Variants in PKHD1 observed in about 807,000 individuals in gnomAD.
PKHD1 encodes PKHD1 ciliary IPT domain containing fibrocystin/polyductin.
In PKHD1, 291 loss-of-function variants were observed where a neutral mutation model predicts 412.0. The observed-to-expected ratio is 0.71, with a 90% CI of 0.64 to 0.78. The LOEUF (loss-of-function observed/expected upper bound fraction) is 0.78. Ranked by LOEUF, PKHD1 falls within the 30% of genes least tolerant of loss-of-function variation. PKHD1 has a pLI of 0.00. For synonymous variants in PKHD1, 1,777 were observed against 1,821.5 expected (o/e 0.98, Z 0.62); for missense variants, 4,825 against 4,950.7 (o/e 0.97, Z 0.76).
intron 63 of PKHD1, 63 bp from the exon 64 acceptor site, chr6:51,639,019 G>T: frequency 1.7e-6 from 2 of 1,192,776 alleles, no homozygotes; most frequent in Non-Finnish European, 2.5e-6. Flanking sequence ...ATGTCTTCAT[G>T]TCTTCTGCGA....
chr6:51,631,488 ATGT>A (rs1480960793), intron 65 of PKHD1, among the ~76,000 whole-genome samples: 1 of 152,124 alleles, frequency 6.6e-6, no homozygotes, highest in Non-Finnish European at 1.5e-5. Flanking sequence ...AGCCCAGCAA[ATGT>A]TGTAGTAGTG....
At chr6:52,083,742 C>T (rs1043212132) in intron 2 of PKHD1, among the ~76,000 whole-genome samples, 10 of 151,976 alleles carry the variant, frequency 6.6e-5, no homozygotes, top group Admixed American at 5.9e-4. Context: ...GGTGCAAAAG[C>T]AATTGCTGTT....
intron 35 of PKHD1, among the ~76,000 whole-genome samples, chr6:51,969,027 C>T (rs999786231): frequency 6.6e-6 from 1 of 152,122 alleles, no homozygotes; most frequent in Non-Finnish European, 1.5e-5. Flanking sequence ...TAGAATTATG[C>T]AGATATAATT....
chr6:51,907,299 C>CA (rs1465925428), intron 40 of PKHD1, among the ~76,000 whole-genome samples: 1 of 152,034 alleles, frequency 6.6e-6, no homozygotes, highest in Non-Finnish European at 1.5e-5. Flanking sequence ...TGGGACTATC[C>CA]AAAAAATTCT....
chr6:51,810,496 T>G (rs1229111168), intron 52 of PKHD1, among the ~76,000 whole-genome samples: 1 of 152,178 alleles, frequency 6.6e-6, no homozygotes, highest in Non-Finnish European at 1.5e-5. Context: ...ATCCCAAGTT[T>G]TCCAAGACTT....
In PKHD1 at chr6:52,079,987, A is replaced by G; in HGVS notation, c.303T>C (p.His101=). 1 of 1,606,220 alleles carries G rather than the reference A, an allele frequency of 6.2e-7. No individual in the cohort carries two copies. Among genetic ancestry groups the G allele is most frequent in the Non-Finnish European group, 8.5e-7 (1 of 1,172,838 alleles). The change falls in exon 5 of 67, where the codon CAT becomes CAC. Residue 101 remains histidine (H), a synonymous_variant. Coordinates refer to ENST00000371117, the MANE Select transcript of PKHD1 (RefSeq NM_138694.4). ...ATGCTTCCAGGAAGTACAGACCCTC[A>G]TGTGCTTCAGACAGCACAGATCTGA... ...CRTRSVLSEA[H]EGLYFLEAYF...
intron 60 of PKHD1, among the ~76,000 whole-genome samples, chr6:51,689,931 T>C (rs527599020): frequency 1.8e-4 from 27 of 152,278 alleles, no homozygotes; most frequent in Middle Eastern, 3.4e-3. Context: ...GAGCAATTTA[T>C]AGATTCAATG....
chr6:51,981,540 A>C (rs1239089321), intron 35 of PKHD1, among the ~76,000 whole-genome samples: 2 of 149,372 alleles, frequency 1.3e-5, no homozygotes, highest in Admixed American at 6.7e-5. Context: ...GCTGGTCTCC[A>C]GCTCCTAGCC....
chr6:51,784,012 T>A (rs764895139), intron 53 of PKHD1, among the ~76,000 whole-genome samples: 2 of 152,214 alleles, frequency 1.3e-5, no homozygotes, highest in Non-Finnish European at 2.9e-5. Flanking sequence ...CATTCACTTA[T>A]ATATACATTG....
In PKHD1 at chr6:51,864,950, C is replaced by T. The variant is rs1468360050; in HGVS notation, c.7733+2913G>A. On this transcript the variant is annotated intron_variant, in intron 48 of 66. Transcript: ENST00000371117. ...TCTATACAGAAAAAAAAAATGTTTA[C>T]CTAAAGTTTGGGATAGATAAATCCA... Among the ~76,000 whole-genome samples the T allele has an allele frequency of 3.3e-5, 5 of 151,840 alleles. No homozygotes were observed. In the East Asian group the frequency reaches 9.6e-4, roughly 29 times the overall value.
chr6:51,747,486 C>A (rs1251424596), intron 58 of PKHD1, among the ~76,000 whole-genome samples: 1 of 152,150 alleles, frequency 6.6e-6, no homozygotes, highest in East Asian at 1.9e-4. Flanking sequence ...GGGAGGACTG[C>A]TTGAGGCCAG....
chr6:51,684,138 G>A (rs1000555523), intron 60 of PKHD1, among the ~76,000 whole-genome samples: 7 of 152,010 alleles, frequency 4.6e-5, no homozygotes, highest in African/African-American at 7.2e-5. Flanking sequence ...CAAACTGAGC[G>A]GTGTGTTTTT....
chr6:52,022,784 G>T lies in PKHD1; in HGVS notation c.5380+17C>A. 1 of 1,612,316 alleles carries T rather than the reference G, an allele frequency of 6.2e-7. No homozygotes were observed. Among genetic ancestry groups the T allele is most frequent in the Non-Finnish European group, 8.5e-7 (1 of 1,178,482 alleles). On this transcript the variant is annotated intron_variant, in intron 33 of 66. Coordinates refer to ENST00000371117, the MANE Select transcript of PKHD1 (RefSeq NM_138694.4). The stretch of plus-strand genomic sequence containing the variant: ...TATATATGCTTTAAAATATATGTGT[G>T]TGGCATCTTTACTCACCATCCAGGG...
At chr6:51,835,907 A>G (rs771282515) in intron 51 of PKHD1, among the ~76,000 whole-genome samples, 6 of 152,232 alleles carry the variant, frequency 3.9e-5, no homozygotes, top group Non-Finnish European at 7.3e-5. Flanking sequence ...ATAAACAAAA[A>G]CAAACAATGA....
At position 51,659,673 on chromosome 6, in the gene PKHD1, GA is replaced by G. The variant is rs771623148; in HGVS notation, c.10452del (p.Leu3485TyrfsTer26). 1 of 1,613,776 alleles carries G rather than the reference GA, an allele frequency of 6.2e-7. No homozygotes were observed. ...MDQTPQVLRF[F>X]LLGNKSTSKL... Reference sequence around the variant, plus strand: ...TTGGAGGTACTTTTGTTCCCCAATAGAAAAAAGCGCAAAACTTGAGGAGTTT... The same window carrying G: ...TTGGAGGTACTTTTGTTCCCCAATAGAAAAAGCGCAAAACTTGAGGAGTTT... On this transcript the variant is annotated frameshift_variant, in exon 61 of 67. Transcript: ENST00000371117. LOFTEE classifies it high-confidence loss of function.
chr6:51,667,858 A>T (rs993983066), intron 60 of PKHD1, among the ~76,000 whole-genome samples: 5 of 151,040 alleles, frequency 3.3e-5, no homozygotes, highest in Non-Finnish European at 7.4e-5. Context: ...ATAGTTGTAG[A>T]TACGCGGCGT....
At chr6:51,744,328 G>C in intron 60 of PKHD1, 57 bp downstream of exon 60, 1 of 1,479,614 alleles carries the variant, frequency 6.8e-7, no homozygotes, top group East Asian at 2.3e-5. Flanking sequence ...AGCAAAACCA[G>C]CTCCTTCACA....
intron 54 of PKHD1, among the ~76,000 whole-genome samples, chr6:51,773,494 G>A (rs1044618861): frequency 6.6e-6 from 1 of 151,338 alleles, no homozygotes; most frequent in African/African-American, 2.4e-5. Flanking sequence ...ATGTGATTGT[G>A]TACTCTCAGC....
At position 51,753,226 on chromosome 6, in the gene PKHD1, C is replaced by T. The variant is rs1184120486; in HGVS notation, c.8925G>A (p.Arg2975=). 1 of 1,613,584 alleles carries T rather than the reference C, an allele frequency of 6.2e-7. No homozygotes were observed. Among genetic ancestry groups the T allele is most frequent in the Non-Finnish European group, 8.5e-7 (1 of 1,179,760 alleles). ...CRGRLFVGSF[R]KSSREEFSGV... Reference sequence around the variant, plus strand: ...CTGAAAATTCTTCTCGGCTGGACTTCCTGAAGGACCCCACAAACAGTCTCC... The same window carrying T: ...CTGAAAATTCTTCTCGGCTGGACTTTCTGAAGGACCCCACAAACAGTCTCC... Residue 2975 remains arginine (R), a synonymous_variant, in exon 57 of 67, where the codon AGG becomes AGA. Transcript: ENST00000371117.
Sources: allele counts gnomAD v4.1 joint callset (sites outside exome capture counted in the v4.1 genomes callset), GRCh38; gene constraint gnomAD v4.1.1; transcripts MANE v1.5; gene names NCBI Gene and HGNC (gene_info 2026-07-23, HGNC 2026-07-21).